Variants in XRN1 observed in about 807,000 individuals in gnomAD.
The protein encoded by XRN1 is strand-exchange protein 1 homolog.
In XRN1, 67 loss-of-function variants were observed where a neutral mutation model predicts 222.3. That is an observed-to-expected ratio of 0.30 (90% confidence interval 0.25 to 0.37). The LOEUF is 0.37. Among genes scored for constraint, XRN1 ranks in the 10% least tolerant of loss-of-function variants. The pLI, the probability that XRN1 is intolerant of heterozygous loss-of-function variation, is 1.00. For synonymous variants in XRN1, 643 were observed against 652.4 expected, an observed-to-expected ratio of 0.99 and a Z score of 0.22; for missense variants, 1,707 against 2,000.2, an observed-to-expected ratio of 0.85 and a Z score of 2.80.
At chr3:142,330,109 C>CTACA (rs1281088196) in intron 36 of XRN1, among the ~76,000 whole-genome samples, 1 of 152,174 alleles carries the variant, frequency 6.6e-6, no homozygotes, top group East Asian at 1.9e-4. Flanking sequence ...CAGCTAATGA[C>CTACA]TACATGGTAC....
chr3:142,422,771 A>G, intron 7 of XRN1, 21 bp from the exon 8 acceptor site: 1 of 1,607,820 alleles, frequency 6.2e-7, no homozygotes, highest in Non-Finnish European at 8.5e-7. Flanking sequence ...ATAGAGAACA[A>G]AGTCAAATCC....
At chr3:142,328,524 A>G (rs530874572) in intron 37 of XRN1, among the ~76,000 whole-genome samples, 2 of 150,632 alleles carry the variant, frequency 1.3e-5, no homozygotes, top group African/African-American at 2.4e-5. Context: ...TAATCTTTTG[A>G]ATTTTGTGAG....
rs1243481799 is a variant in XRN1, at chr3:142,426,794, C to G, written c.356G>C (p.Gly119Ala). 1 of 1,613,784 alleles carries G rather than the reference C, an allele frequency of 6.2e-7. No individual in the cohort carries two copies. ...EDKIKKAIEK[G>A]ETLPTEARFD... ...TCTGGCCTCTGTAGGAAGAGTTTCT[C>G]CCTTCTCTATTGCCTTTTTAATTTT... is the stretch of plus-strand genomic sequence containing the variant. Residue 119 changes from glycine (G) to alanine (A), a missense_variant, in exon 3 of 41, where the codon GGA (glycine) becomes GCA (alanine). Around this residue, in one of 2 missense-constraint regions of XRN1, gnomAD observed 1,234 missense variants for 1,518.2 expected, o/e 0.81. Coordinates refer to ENST00000392981, the MANE Select transcript of XRN1 (RefSeq NM_001282857.2).
rs1281477274 is a variant in XRN1, at chr3:142,309,734, A to G, written c.*1777T>C. ...GTCACACAGGAGTAATGAGTGAGGCAAATTCTCAATGCTGGAGTTTGTACA... is the reference window on the plus strand; with the variant it reads ...GTCACACAGGAGTAATGAGTGAGGCGAATTCTCAATGCTGGAGTTTGTACA... On this transcript the variant is annotated 3_prime_UTR_variant, in exon 41 of 41. Coordinates refer to ENST00000392981, the MANE Select transcript of XRN1 (RefSeq NM_001282857.2). 3 of 152,254 alleles carry G rather than the reference A, an allele frequency of 2.0e-5. No individual in the cohort carries two copies. Among genetic ancestry groups the G allele is most frequent in the Non-Finnish European group, 2.9e-5 (2 of 68,052 alleles). 9.4% of individuals were successfully genotyped at this position (152,254 alleles called of 1,614,324 possible).
At chr3:142,340,687 C>T (rs2065969393) in intron 33 of XRN1, among the ~76,000 whole-genome samples, 1 of 151,998 alleles carries the variant, frequency 6.6e-6, no homozygotes, top group Non-Finnish European at 1.5e-5. Context: ...AGAAAAGAAA[C>T]AAATAACATA....
chr3:142,391,852 T>C (rs2067736769), intron 20 of XRN1, among the ~76,000 whole-genome samples: 1 of 151,578 alleles, frequency 6.6e-6, no homozygotes, highest in South Asian at 2.1e-4. Flanking sequence ...TAATCTGATC[T>C]ATAACTTTTA....
At chr3:142,420,237 C>T (rs2068955848) in intron 10 of XRN1, 1 of 152,022 alleles carries the variant, frequency 6.6e-6, no homozygotes, top group African/African-American at 2.4e-5. Context: ...CCTCCACTAC[C>T]ATAAGTCACG....
At chr3:142,360,094 T>C (rs1047278901) in intron 29 of XRN1, among the ~76,000 whole-genome samples, 163 bp from the exon 30 acceptor site, 1 of 152,196 alleles carries the variant, frequency 6.6e-6, no homozygotes, top group African/African-American at 2.4e-5. Context: ...AGGAACATTA[T>C]ATAAGCTAAG....
chr3:142,336,273 C>G (rs2065849233), intron 33 of XRN1, among the ~76,000 whole-genome samples: 1 of 151,982 alleles, frequency 6.6e-6, no homozygotes, highest in Non-Finnish European at 1.5e-5. Context: ...GCACAAAAAG[C>G]ATAGTTTGTA....
chr3:142,349,443 T>C (rs2066244035), intron 32 of XRN1, among the ~76,000 whole-genome samples: 1 of 152,082 alleles, frequency 6.6e-6, no homozygotes, highest in African/African-American at 2.4e-5. Flanking sequence ...ATGAACTGTG[T>C]ACCCATTATT....
rs2066770134 is a variant in XRN1, at chr3:142,364,970, T to A, written c.3394+77A>T. On this transcript the variant is annotated intron_variant, in intron 29 of 40. Transcript: ENST00000392981. ...GATTTATAGTCACTTTCTGGTTAGATATAAAAAACAGACAAGCCTGTTTAT... is the reference window on the plus strand; with the variant it reads ...GATTTATAGTCACTTTCTGGTTAGAAATAAAAAACAGACAAGCCTGTTTAT... The A allele has an allele frequency of 5.6e-6, 8 of 1,426,748 alleles. No homozygotes were observed. In the South Asian group the frequency reaches 8.5e-5, roughly 15 times the overall value. The allele number at this position is 1,426,748 out of a possible 1,614,324, so 88.4% of individuals were successfully genotyped here.
chr3:142,371,205 C>A, intron 26 of XRN1, 34 bp downstream of exon 26: 1 of 1,515,488 alleles, frequency 6.6e-7, no homozygotes, highest in Non-Finnish European at 9.1e-7. Flanking sequence ...CTGAATTGAA[C>A]TATGAGGTAA....
chr3:142,315,457 A>G (rs1455908245), intron 39 of XRN1, among the ~76,000 whole-genome samples: 1 of 151,906 alleles, frequency 6.6e-6, no homozygotes, highest in East Asian at 1.9e-4. Flanking sequence ...GACAAATTAC[A>G]TTAAAAAAAA....
intron 33 of XRN1, among the ~76,000 whole-genome samples, chr3:142,339,997 C>G (rs1406086358): frequency 6.6e-6 from 1 of 152,050 alleles, no homozygotes; most frequent in Non-Finnish European, 1.5e-5. Context: ...AAAAATGTAT[C>G]AGAGTCTCAT....
Position 142,422,652 on chromosome 3 carries a change from A to C in XRN1, c.897T>G (p.His299Gln). 1 of 1,613,134 alleles carries C rather than the reference A, an allele frequency of 6.2e-7. No individual in the cohort carries two copies. Among genetic ancestry groups the C allele is most frequent in the Non-Finnish European group, 8.5e-7 (1 of 1,179,196 alleles). ...GCAGTGCATCATGATTAATATGTAA[A>C]TGAGGTAGATGAGGGATAAAATCAT... ...VGNDFIPHLP[H>Q]LHINHDALPL... The change falls in exon 8 of 41, where the codon CAT becomes CAG. Residue 299 changes from histidine to glutamine, a missense_variant. This residue lies in a region of XRN1 where 1,234 missense variants were observed against 1,518.2 expected (regional missense o/e 0.81). Transcript: ENST00000392981.
rs753222620 is a variant in XRN1 at position 142,368,742 on chromosome 3, G to T, written c.3204+1743C>A. ...TGACCTTTCAAAAATTAAACTCTTG[G>T]CTCTGAGCCTTATATTTTTTCCTAA... On this transcript the variant is annotated intron_variant, in intron 27 of 40. Transcript: ENST00000392981. Among the ~76,000 whole-genome samples, 59 of 152,056 alleles carry T rather than the reference G, an allele frequency of 3.9e-4. 1 individual carries two copies. Among genetic ancestry groups the T allele is most frequent in the Non-Finnish European group, 4.0e-4 (27 of 68,020 alleles).
intron 1 of XRN1, among the ~76,000 whole-genome samples, chr3:142,441,898 A>G (rs2070232170): frequency 6.6e-6 from 1 of 152,238 alleles, no homozygotes; most frequent in Admixed American, 6.5e-5. Flanking sequence ...TGTATACTGA[A>G]TTCGCATACA....
At chr3:142,350,111 G>A (rs964979233) in intron 32 of XRN1, among the ~76,000 whole-genome samples, 2 of 152,114 alleles carry the variant, frequency 1.3e-5, no homozygotes, top group African/African-American at 4.8e-5. Context: ...TAATTAGGTG[G>A]GGTTAGATTA....
intron 24 of XRN1, 164 bp from the exon 25 acceptor site, chr3:142,376,108 G>A (rs1477765388): frequency 3.2e-6 from 4 of 1,257,122 alleles, no homozygotes; most frequent in Non-Finnish European, 4.1e-6. Context: ...TATTTCCAAA[G>A]TAGCAGTAAT....
Sources: gnomAD v4.1 joint callset for allele counts (sites outside exome capture counted in the v4.1 genomes callset) on GRCh38, gnomAD v4.1.1 for gene constraint, gnomAD v4.1.1 regional missense constraint, MANE v1.5 for transcripts, NCBI Gene and HGNC (gene_info 2026-07-23, HGNC 2026-07-21) for gene names.